The following MAL variants were observed in gnomAD, a reference collection of about 807,000 sequenced individuals.
MAL encodes mal, T cell differentiation protein (MAL blood group).
MAL carries 5 observed loss-of-function variants against 16.7 expected under a neutral mutation model. That is an observed-to-expected ratio of 0.30 (90% CI 0.16 to 0.63). MAL has a LOEUF of 0.63. Among genes scored for constraint, MAL ranks in the 30% least tolerant of loss-of-function variants. MAL has a pLI of 0.82. For synonymous variants in MAL, 96 were observed against 85.5 expected (o/e 1.12, Z -0.67); for missense variants, 202 against 195.8 (o/e 1.03, Z -0.19).
chr2:95,030,388 C>G (rs1484080127), intron 1 of MAL, among the ~76,000 whole-genome samples: 1 of 152,196 alleles, frequency 6.6e-6, no homozygotes, highest in Non-Finnish European at 1.5e-5. Context: ...TCGTCTGCTC[C>G]CCTGCAAAAG....
intron 1 of MAL, among the ~76,000 whole-genome samples, chr2:95,043,148 C>T (rs1674508693): frequency 6.6e-6 from 1 of 152,338 alleles, no homozygotes; most frequent in African/African-American, 2.4e-5. Flanking sequence ...CTGGAGAGCC[C>T]CTCCCAGTCC....
chr2:95,048,043 G>C lies in MAL; in HGVS notation c.178G>C (p.Val60Leu). ...LVQGWVMFVSVFCFVATTTLI... is the reference protein window; with the variant it reads ...LVQGWVMFVSLFCFVATTTLI... The stretch of plus-strand genomic sequence containing the variant: ...CCAGGGCTGGGTGATGTTCGTGTCT[G>C]TGTTCTGCTTCGTGGCCACCACCAC... Residue 60 changes from valine to leucine, a missense_variant, in exon 2 of 4, where the codon GTG becomes CTG. Transcript: ENST00000309988. The C allele has an allele frequency of 6.2e-7, 1 of 1,614,038 alleles. No homozygotes were observed. Among genetic ancestry groups the C allele is most frequent in the Non-Finnish European group, 8.5e-7 (1 of 1,179,946 alleles).
intron 1 of MAL, among the ~76,000 whole-genome samples, chr2:95,030,193 G>C (rs1482862375): frequency 1.3e-5 from 2 of 152,222 alleles, no homozygotes; most frequent in African/African-American, 2.4e-5. Flanking sequence ...GAAAGCTGCA[G>C]AGTCCTCACA....
chr2:95,051,607 C>T (rs1298560319), intron 3 of MAL: 1 of 151,602 alleles, frequency 6.6e-6, no homozygotes, highest in Non-Finnish European at 1.5e-5. Flanking sequence ...TGTTTGTTCT[C>T]ATTACTGTAT....
At chr2:95,047,886 CCGCTGGT>C (rs1282598979) in intron 1 of MAL, 66 bp from the exon 2 acceptor site, 1 of 1,479,258 alleles carries the variant, frequency 6.8e-7, no homozygotes, top group Non-Finnish European at 9.2e-7. Context: ...CCCCATGTGA[CCGCTGGT>C]CGGGGGCCCT....
At chr2:95,038,212 CTCAGTGAG>C (rs1558658494) in intron 1 of MAL, among the ~76,000 whole-genome samples, 4 of 75,098 alleles carry the variant, frequency 5.3e-5, no homozygotes, top group Non-Finnish European at 1.0e-4. Context: ...GAGTGAGTGA[CTCAGTGAG>C]TGAGTGACTG....
intron 3 of MAL, 66 bp downstream of exon 3, chr2:95,049,772 A>T (rs1380099850): frequency 6.3e-7 from 1 of 1,597,590 alleles, no homozygotes; most frequent in Non-Finnish European, 8.5e-7. Context: ...GTGTGTGTGG[A>T]GGCTGCCTAG....
intron 1 of MAL, among the ~76,000 whole-genome samples, chr2:95,043,686 A>C (rs2104353115): frequency 6.6e-6 from 1 of 152,166 alleles, no homozygotes; most frequent in South Asian, 2.1e-4. Flanking sequence ...CGGGAATGAA[A>C]TCTCTCCTGA....
At chr2:95,040,302 C>T (rs1037800982) in intron 1 of MAL, among the ~76,000 whole-genome samples, 16 of 152,046 alleles carry the variant, frequency 1.1e-4, no homozygotes, top group Admixed American at 2.6e-4. Flanking sequence ...CACACCTGCA[C>T]GCAAACACAT....
chr2:95,038,810 G>A (rs1283934622), intron 1 of MAL, among the ~76,000 whole-genome samples: 10 of 151,008 alleles, frequency 6.6e-5, no homozygotes, highest in East Asian at 2.0e-4. Flanking sequence ...GTGAGTGACC[G>A]AGTGACTGAG....
Position 95,053,572 on chromosome 2 carries a change from C to T in MAL, c.*117C>T, listed in dbSNP as rs1275349703. ...GATGGTGGAAAAAAGAAAACAACCA[C>T]CCCCCCACTGCCCAAAAAAAAAAGC... On this transcript the variant is annotated 3_prime_UTR_variant, in exon 4 of 4. Transcript: ENST00000309988. 2.6e-6 allele frequency: 2 copies of T among 762,474 alleles called. No individual in the cohort carries two copies. The highest frequency in any genetic ancestry group is 4.3e-6 in the Non-Finnish European group (2 of 461,564). 47.2% of individuals were successfully genotyped at this position (762,474 alleles called of 1,614,324 possible).
At chr2:95,049,442 C>T in intron 2 of MAL, 139 bp from the exon 3 acceptor site, 1 of 1,120,728 alleles carries the variant, frequency 8.9e-7, no homozygotes, top group Non-Finnish European at 1.3e-6. Flanking sequence ...GGCATGGGAC[C>T]TCCGTGACAA....
At chr2:95,028,152 CAAAAA>C (rs898443996) in intron 1 of MAL, among the ~76,000 whole-genome samples, 2 of 39,702 alleles carry the variant, frequency 5.0e-5, no homozygotes, top group East Asian at 7.6e-4. Context: ...ACTAAAAATA[CAAAAA>C]AAAAAAAAAA....
intron 1 of MAL, chr2:95,026,467 T>C (rs1042422164): frequency 2.9e-5 from 4 of 139,568 alleles, no homozygotes; most frequent in African/African-American, 1.1e-4. Flanking sequence ...TTGGCCGCAG[T>C]CCTTCTGCCC....
intron 1 of MAL, among the ~76,000 whole-genome samples, chr2:95,045,078 G>C (rs1558661085): frequency 6.6e-6 from 1 of 152,166 alleles, no homozygotes; most frequent in Non-Finnish European, 1.5e-5. Flanking sequence ...CATAAGCATA[G>C]AAACAATGTC....
intron 1 of MAL, among the ~76,000 whole-genome samples, chr2:95,042,491 A>C (rs936714822): frequency 6.6e-6 from 1 of 151,812 alleles, no homozygotes; most frequent in African/African-American, 2.4e-5. Flanking sequence ...CTGAGGCCCC[A>C]CTCCCATCTT....
rs570607569 is a variant in MAL, at chr2:95,049,743, C to T, written c.387+37C>T. On this transcript the variant is annotated intron_variant, in intron 3 of 3. Transcript: ENST00000309988. ...CACCTGGGGCTGTGTCCACAGCGGG[C>T]GGCTCCGTGGCTGGCAGGGTGTGTG... 29 of 1,611,428 alleles carry T rather than the reference C, an allele frequency of 1.8e-5. No homozygotes were observed. The African/African-American group carries it at 2.7e-4, about 15-fold the overall frequency.
chr2:95,027,474 T>C (rs762610824), intron 1 of MAL, among the ~76,000 whole-genome samples: 3 of 152,090 alleles, frequency 2.0e-5, no homozygotes, highest in Non-Finnish European at 4.4e-5. Context: ...CCACCTCCCT[T>C]CCTCACTTCC....
intron 1 of MAL, among the ~76,000 whole-genome samples, chr2:95,037,764 GTGAC>G (rs1444181536): frequency 6.6e-6 from 1 of 151,778 alleles, no homozygotes; most frequent in African/African-American, 2.4e-5. Flanking sequence ...GACTGAGTGA[GTGAC>G]TGAGTGAGTG....
Sources: allele counts gnomAD v4.1 joint callset (sites outside exome capture counted in the v4.1 genomes callset), GRCh38; gene constraint gnomAD v4.1.1; transcripts MANE v1.5; gene names NCBI Gene and HGNC (gene_info 2026-07-23, HGNC 2026-07-21).